IGF1R: variants seen among roughly 807,000 people sequenced by gnomAD.
The protein encoded by IGF1R is insulin-like growth factor 1 receptor.
Under a neutral mutation model 144.6 loss-of-function variants are expected in IGF1R, and 44 were observed. The ratio of observed to expected loss-of-function variants is 0.30; its 90% CI spans 0.24 to 0.39. The LOEUF is 0.39. IGF1R is among the 10% of genes least tolerant of loss of function. The pLI is 1.00. For synonymous variants in IGF1R, 795 were observed against 722.8 expected (o/e 1.10, Z -1.60); for missense variants, 1,355 against 1,833.7 (o/e 0.74, Z 4.77).
intron 2 of IGF1R, among the ~76,000 whole-genome samples, chr15:98,832,110 TC>T (rs1263970276): frequency 2.0e-5 from 3 of 152,186 alleles, no homozygotes; most frequent in Admixed American, 6.5e-5. Context: ...TTCTTTAGAC[TC>T]CAAGAAATTC....
intron 5 of IGF1R, among the ~76,000 whole-genome samples, chr15:98,905,719 C>T (rs570452932): frequency 2.1e-4 from 32 of 151,698 alleles, no homozygotes; most frequent in Admixed American, 3.9e-4. Flanking sequence ...AATGTAAAGG[C>T]AGTAAGCTAA....
At chr15:98,904,863 T>C (rs368976658) in intron 5 of IGF1R, among the ~76,000 whole-genome samples, 1 of 152,248 alleles carries the variant, frequency 6.6e-6, no homozygotes, top group African/African-American at 2.4e-5. Context: ...GTTCTGAGAC[T>C]TTGTTCCAGG....
chr15:98,746,506 G>A (rs761075885), intron 2 of IGF1R, among the ~76,000 whole-genome samples: 5 of 152,070 alleles, frequency 3.3e-5, no homozygotes, highest in African/African-American at 1.2e-4. Flanking sequence ...CTGTCAGGGC[G>A]CCTCTCAGAT....
chr15:98,738,368 G>A (rs1371494775), intron 2 of IGF1R, among the ~76,000 whole-genome samples: 1 of 152,122 alleles, frequency 6.6e-6, no homozygotes, highest in Non-Finnish European at 1.5e-5. Flanking sequence ...TAAATGAGCG[G>A]GCTTTAAAGT....
chr15:98,709,864 C>T (rs1025228424), intron 2 of IGF1R, among the ~76,000 whole-genome samples: 5 of 152,126 alleles, frequency 3.3e-5, no homozygotes, highest in Admixed American at 6.6e-5. Context: ...GAGTTGTTCA[C>T]GAACTAGGTA....
At chr15:98,815,643 A>G (rs771346518) in intron 2 of IGF1R, among the ~76,000 whole-genome samples, 2 of 152,300 alleles carry the variant, frequency 1.3e-5, no homozygotes, top group East Asian at 1.9e-4. Context: ...ATTCACTCCA[A>G]ATCTCTCAGT....
chr15:98,653,851 T>C (rs2052425442), intron 1 of IGF1R, among the ~76,000 whole-genome samples: 1 of 152,242 alleles, frequency 6.6e-6, no homozygotes, highest in South Asian at 2.1e-4. Context: ...CTTAGAGTTT[T>C]TGCCAAGAGG....
intron 2 of IGF1R, among the ~76,000 whole-genome samples, chr15:98,875,355 T>TTC (rs1250655321): frequency 6.6e-6 from 1 of 150,390 alleles, no homozygotes; most frequent in African/African-American, 2.5e-5. Context: ...TTTTCTTTTT[T>TTC]TTTTTTTTTT....
At chr15:98,941,667 C>T (rs1294687047) in intron 18 of IGF1R, among the ~76,000 whole-genome samples, 2 of 152,210 alleles carry the variant, frequency 1.3e-5, no homozygotes, top group Non-Finnish European at 2.9e-5. Flanking sequence ...CCCAGCGTCT[C>T]ATGGATGACA....
chr15:98,827,518 A>T (rs1205519529), intron 2 of IGF1R, among the ~76,000 whole-genome samples: 2 of 152,168 alleles, frequency 1.3e-5, no homozygotes, highest in Non-Finnish European at 2.9e-5. Context: ...GCATTTGGAG[A>T]TACTATGAAT....
At chr15:98,722,264 A>G (rs886836595) in intron 2 of IGF1R, among the ~76,000 whole-genome samples, 13 of 152,218 alleles carry the variant, frequency 8.5e-5, no homozygotes, top group African/African-American at 3.1e-4. Flanking sequence ...AGAGAAATAG[A>G]GGCAACAAGT....
At chr15:98,909,252 TTTTTTTTTC>T (rs1487569955) in intron 6 of IGF1R, among the ~76,000 whole-genome samples, 1 of 15,872 alleles carries the variant, frequency 6.3e-5, no homozygotes, top group African/African-American at 1.3e-4. Context: ...CTTTTTTTTC[TTTTTTTTTC>T]TTTTTTTTTT....
intron 2 of IGF1R, among the ~76,000 whole-genome samples, chr15:98,763,080 A>G (rs1489556701): frequency 6.6e-6 from 1 of 151,814 alleles, no homozygotes; most frequent in Non-Finnish European, 1.5e-5. Context: ...CACAACATAT[A>G]TTCCAATGTT....
intron 2 of IGF1R, among the ~76,000 whole-genome samples, chr15:98,819,678 G>A (rs1401068733): frequency 1.3e-5 from 2 of 152,156 alleles, no homozygotes; most frequent in African/African-American, 2.4e-5. Flanking sequence ...TATGTGGGTT[G>A]TATCCATTGA....
intron 20 of IGF1R, among the ~76,000 whole-genome samples, chr15:98,953,793 T>C (rs958222738): frequency 6.6e-6 from 1 of 152,192 alleles, no homozygotes; most frequent in Non-Finnish European, 1.5e-5. Flanking sequence ...CTGATGTTTT[T>C]TGTAGTTTTC....
chr15:98,712,605 G>A (rs1254282535), intron 2 of IGF1R, among the ~76,000 whole-genome samples: 3 of 88,052 alleles, frequency 3.4e-5, no homozygotes, highest in East Asian at 5.6e-4. Flanking sequence ...GAGCTTTTCA[G>A]TATGCACTTT....
chr15:98,771,559 C>T (rs1476457343), intron 2 of IGF1R, among the ~76,000 whole-genome samples: 2 of 152,140 alleles, frequency 1.3e-5, no homozygotes, highest in Non-Finnish European at 2.9e-5. Context: ...ACGGTGATGT[C>T]GCAGGTGAGG....
intron 2 of IGF1R, chr15:98,890,475 A>C (rs1958021118): frequency 6.6e-6 from 1 of 152,282 alleles, no homozygotes; most frequent in African/African-American, 2.4e-5. Flanking sequence ...AGAGGTATGA[A>C]TAATCCACCC....
chr15:98,785,071 G>A (rs1442310768), intron 2 of IGF1R, among the ~76,000 whole-genome samples: 1 of 152,176 alleles, frequency 6.6e-6, no homozygotes, highest in Non-Finnish European at 1.5e-5. Flanking sequence ...TGTTAAACAT[G>A]GGAAATAGTT....
Sources: allele counts gnomAD v4.1 joint callset (sites outside exome capture counted in the v4.1 genomes callset), GRCh38; gene constraint gnomAD v4.1.1; transcripts MANE v1.5; gene names NCBI Gene and HGNC (gene_info 2026-07-23, HGNC 2026-07-21).